The following MYOM3 variants were observed in gnomAD, a reference collection of about 807,000 sequenced individuals.
MYOM3 encodes the protein myomesin-3.
A neutral mutation model predicts 191.7 loss-of-function variants in MYOM3; 155 were observed. That is an observed-to-expected ratio of 0.81 (90% CI 0.71 to 0.92). MYOM3 has a LOEUF of 0.92. MYOM3 is among the 40% of genes least tolerant of loss of function. The probability of loss-of-function intolerance (pLI) is 0.00; values close to 1 mark genes in which losing one functional copy is unlikely to be tolerated. For missense variants in MYOM3, 1,889 were observed against 1,890.6 expected, an observed-to-expected ratio of 1.00 and a Z score of 0.02; for synonymous variants, 757 against 762.9, an observed-to-expected ratio of 0.99 and a Z score of 0.13.
chr1:24,089,081 G>C (rs1302253858), intron 14 of MYOM3, among the ~76,000 whole-genome samples: 2 of 152,166 alleles, frequency 1.3e-5, no homozygotes, highest in Non-Finnish European at 2.9e-5. Context: ...CCACTCCCCA[G>C]TGAGAGCCAC....
At chr1:24,105,103 G>A (rs867065186) in intron 5 of MYOM3, among the ~76,000 whole-genome samples, 4 of 151,808 alleles carry the variant, frequency 2.6e-5, no homozygotes, top group Middle Eastern at 3.4e-3. Flanking sequence ...CCCTCCCCAG[G>A]CGAGGCCTAG....
intron 25 of MYOM3, among the ~76,000 whole-genome samples, chr1:24,068,729 A>G (rs112871455): frequency 3.3e-5 from 5 of 151,610 alleles, no homozygotes; most frequent in African/African-American, 9.7e-5. Context: ...TTCTTGAGAC[A>G]GTGTCTCACT....
intron 35 of MYOM3, 77 bp downstream of exon 35, chr1:24,060,983 C>T: frequency 6.4e-7 from 1 of 1,558,180 alleles, no homozygotes; most frequent in East Asian, 2.2e-5. Flanking sequence ...CTTCAGCAGC[C>T]CACCAAGAGG....
chr1:24,091,160 C>T (rs1188273996), intron 11 of MYOM3, among the ~76,000 whole-genome samples, 164 bp from the exon 12 acceptor site: 2 of 152,316 alleles, frequency 1.3e-5, no homozygotes, highest in African/African-American at 2.4e-5. Context: ...ACCTCGGGCC[C>T]CCGGGAGACC....
intron 27 of MYOM3, among the ~76,000 whole-genome samples, chr1:24,067,343 T>TC: frequency 2.7e-5 from 2 of 75,168 alleles, no homozygotes; most frequent in East Asian, 4.7e-4. Context: ...TTTCTTTCTT[T>TC]CTTTCTTTCT....
intron 12 of MYOM3, among the ~76,000 whole-genome samples, chr1:24,090,427 G>A (rs1185424373): frequency 6.6e-6 from 1 of 152,206 alleles, no homozygotes; most frequent in Non-Finnish European, 1.5e-5. Flanking sequence ...AAGTCAGCGT[G>A]GCTCCCGAGG....
intron 13 of MYOM3, 116 bp from the exon 14 acceptor site, chr1:24,089,781 A>T: frequency 7.9e-7 from 1 of 1,262,834 alleles, no homozygotes; most frequent in Non-Finnish European, 1.1e-6. Context: ...AGAGAGGGGC[A>T]GTAGTTGGCT....
At chr1:24,065,857 A>T (rs372120239) in intron 29 of MYOM3, 34 bp downstream of exon 29, 7 of 1,493,478 alleles carry the variant, frequency 4.7e-6, no homozygotes, top group Non-Finnish European at 6.5e-6. Context: ...CAGCCAAAGG[A>T]GAAAGTGAGC....
At position 24,076,621 on chromosome 1, in the gene MYOM3, C is replaced by G. The variant is rs113133884; in HGVS notation, c.2587-348G>C. On this transcript the variant is annotated intron_variant, in intron 20 of 36. Coordinates refer to ENST00000374434, the MANE Select transcript of MYOM3 (RefSeq NM_152372.4). ...CTCCACCTCCCGGGTTCACGCCATT[C>G]TCCTGCCTCAGCCTCCCAAGTAGCT... 6.9e-5 allele frequency among the ~76,000 whole-genome samples: 6 copies of G among 87,472 alleles called. 1 individual carries two copies. Among genetic ancestry groups the G allele is most frequent in the Non-Finnish European group, 9.4e-5 (4 of 42,692 alleles). 57.4% of individuals were successfully genotyped at this position (87,472 alleles called of 152,430 possible).
chr1:24,086,558 A>C, intron 15 of MYOM3, 86 bp downstream of exon 15: 1 of 1,359,586 alleles, frequency 7.4e-7, no homozygotes, highest in Non-Finnish European at 1.0e-6. Flanking sequence ...GGGACAGGGA[A>C]GTGGGCAGGG....
At chr1:24,064,396 G>A in intron 29 of MYOM3, 2 of 505,354 alleles carry the variant, frequency 4.0e-6, no homozygotes, top group Non-Finnish European at 7.1e-6. Context: ...TGGGGAAGGG[G>A]TGGAGTAGGG....
Position 24,082,386 on chromosome 1 carries a change from C to A in MYOM3, c.2093-198G>T, listed in dbSNP as rs948984891. On this transcript the variant is annotated intron_variant, in intron 17 of 36. Coordinates refer to ENST00000374434, the MANE Select transcript of MYOM3 (RefSeq NM_152372.4). ...TGGGTCTGAGGGCTTCCCCACCCCC[C>A]AGAGCTGCTCAGGCCCCATCCCATG... 48 of 879,424 alleles carry A rather than the reference C, an allele frequency of 5.5e-5. 1 individual carries two copies. The highest frequency in any genetic ancestry group is 4.3e-4 in the Admixed American group (14 of 32,590). The allele number at this position is 879,424 out of a possible 1,614,324, so 54.5% of individuals were successfully genotyped here. A position where few individuals can be genotyped will look rare whatever the true frequency, so the allele number is the denominator to read the frequency against.
At chr1:24,068,462 C>T (rs1643482085) in intron 25 of MYOM3, 95 bp from the exon 26 acceptor site, 3 of 1,454,254 alleles carry the variant, frequency 2.1e-6, no homozygotes, top group Non-Finnish European at 2.8e-6. Context: ...GTGGTAAGCA[C>T]AGAGCTGTCA....
At chr1:24,100,143 A>G (rs988648820) in intron 5 of MYOM3, among the ~76,000 whole-genome samples, 1 of 152,090 alleles carries the variant, frequency 6.6e-6, no homozygotes, top group African/African-American at 2.4e-5. Flanking sequence ...TGCTAAGATT[A>G]TAGGCGTGAA....
chr1:24,108,740 G>T, intron 1 of MYOM3, 86 bp from the exon 2 acceptor site: 1 of 1,033,244 alleles, frequency 9.7e-7, no homozygotes, highest in African/African-American at 1.7e-5. Flanking sequence ...TAGGAGGCTG[G>T]CAGGATGGGG....
intron 9 of MYOM3, among the ~76,000 whole-genome samples, chr1:24,093,962 G>T (rs1363955379): frequency 1.3e-5 from 2 of 152,086 alleles, no homozygotes; most frequent in Non-Finnish European, 2.9e-5. Flanking sequence ...ACGTCTTCCT[G>T]CCTTGGCTCT....
chr1:24,096,953 T>C (rs948265481), intron 7 of MYOM3, among the ~76,000 whole-genome samples: 1 of 152,222 alleles, frequency 6.6e-6, no homozygotes, highest in African/African-American at 2.4e-5. Flanking sequence ...GATTCTCCCT[T>C]TCACAGATGA....
In MYOM3 at chr1:24,099,789, G is replaced by T; in HGVS notation, c.561-14C>A. 1 of 1,604,774 alleles carries T rather than the reference G, an allele frequency of 6.2e-7. No homozygotes were observed. The highest frequency in any genetic ancestry group is 8.5e-7 in the Non-Finnish European group (1 of 1,171,536). On this transcript the variant is annotated splice_polypyrimidine_tract_variant and intron_variant, in intron 5 of 36. Transcript: ENST00000374434. ...TCATTTTTGTACCTGTGGGGACATA[G>T]CGGTCTGTGGCAGGCAGGGTGGTTC...
Position 24,096,661 on chromosome 1 carries a change from A to T in MYOM3, c.746-1175T>A, listed in dbSNP as rs532363685. Among the ~76,000 whole-genome samples, 316 of 152,284 alleles carry T rather than the reference A, an allele frequency of 2.1e-3. 1 individual carries two copies. The highest frequency in any genetic ancestry group is 3.8e-3 in the Non-Finnish European group (259 of 68,004). On this transcript the variant is annotated intron_variant, in intron 7 of 36. Transcript: ENST00000374434. Reference sequence around the variant, plus strand: ...TGAGAGGCAGGGAGGGTGGCCTGGGATCCACCTGTCTACTGCCCAAGACAG... The same window carrying T: ...TGAGAGGCAGGGAGGGTGGCCTGGGTTCCACCTGTCTACTGCCCAAGACAG...
Sources: gnomAD v4.1 joint callset for allele counts (sites outside exome capture counted in the v4.1 genomes callset) on GRCh38, gnomAD v4.1.1 for gene constraint, MANE v1.5 for transcripts, NCBI Gene and HGNC (gene_info 2026-07-23, HGNC 2026-07-21) for gene names.